Variants in MAML3 observed in about 807,000 individuals in gnomAD.
The protein encoded by MAML3 is mastermind like transcriptional coactivator 3, also known as mastermind-like protein 3.
Under a neutral mutation model 101.9 loss-of-function variants are expected in MAML3, and 27 were observed. That is an observed-to-expected ratio of 0.27 (90% CI 0.20 to 0.37). The LOEUF (loss-of-function observed/expected upper bound fraction) is 0.37, where lower values mean the gene tolerates loss of function less well. Among genes scored for constraint, MAML3 ranks in the 10% least tolerant of loss-of-function variants. MAML3 has a pLI of 1.00. For missense variants in MAML3, 1,316 were observed against 1,444.9 expected, an observed-to-expected ratio of 0.91 and a Z score of 1.45; for synonymous variants, 501 against 555.9, an observed-to-expected ratio of 0.90 and a Z score of 1.39.
At chr4:139,759,042 A>G (rs1729706699) in intron 2 of MAML3, among the ~76,000 whole-genome samples, 1 of 152,226 alleles carries the variant, frequency 6.6e-6, no homozygotes, top group African/African-American at 2.4e-5. Context: ...TAAAATGAAC[A>G]TCATGTACTT....
intron 1 of MAML3, among the ~76,000 whole-genome samples, chr4:139,974,583 C>G (rs1734296440): frequency 6.6e-6 from 1 of 152,070 alleles, no homozygotes; most frequent in African/African-American, 2.4e-5. Flanking sequence ...CTAAACATTG[C>G]TGGGCTTCTA....
chr4:140,120,164 G>C (rs1003634084), intron 1 of MAML3, among the ~76,000 whole-genome samples: 2 of 151,774 alleles, frequency 1.3e-5, no homozygotes, highest in Non-Finnish European at 2.9e-5. Flanking sequence ...GTGAACCCGG[G>C]AGGCGGAGCT....
chr4:139,891,735 G>A (rs1330642090), intron 1 of MAML3, among the ~76,000 whole-genome samples: 1 of 152,168 alleles, frequency 6.6e-6, no homozygotes, highest in Non-Finnish European at 1.5e-5. Context: ...TTTAACACAT[G>A]TACTAAATAG....
intron 1 of MAML3, among the ~76,000 whole-genome samples, chr4:140,074,199 GAGAAAGAAAGAAAGAAAGAAAGAAAGAA>G (rs57126361): frequency 2.4e-5 from 2 of 81,960 alleles, no homozygotes; most frequent in African/African-American, 4.3e-5. Context: ...GAGAAAGAAA[GAGAAAGAAAGAAAGAAAGAAAGAAAGAA>G]AGAAAGAAAG....
At chr4:139,760,501 C>T (rs1729733534) in intron 2 of MAML3, among the ~76,000 whole-genome samples, 1 of 152,144 alleles carries the variant, frequency 6.6e-6, no homozygotes, top group Admixed American at 6.6e-5. Context: ...CCATGTTTAG[C>T]ACAGCGCCTG....
intron 2 of MAML3, among the ~76,000 whole-genome samples, chr4:139,882,826 G>A (rs903427283): frequency 2.0e-5 from 3 of 152,180 alleles, no homozygotes; most frequent in African/African-American, 7.2e-5. Flanking sequence ...TCCAGCCTGG[G>A]CGATGGAGCG....
intron 1 of MAML3, among the ~76,000 whole-genome samples, chr4:139,991,902 C>G (rs1734682111): frequency 6.6e-6 from 1 of 152,060 alleles, no homozygotes; most frequent in Admixed American, 6.6e-5. Flanking sequence ...AAAAAAATTT[C>G]AAGTGTACAA....
At chr4:140,113,164 A>G (rs1728466224) in intron 1 of MAML3, among the ~76,000 whole-genome samples, 1 of 152,120 alleles carries the variant, frequency 6.6e-6, no homozygotes, top group Non-Finnish European at 1.5e-5. Context: ...CTGTAGTCCC[A>G]GCTACTCAGG....
chr4:140,104,862 T>A (rs1190071005), intron 1 of MAML3, among the ~76,000 whole-genome samples: 1 of 150,998 alleles, frequency 6.6e-6, no homozygotes, highest in Non-Finnish European at 1.5e-5. Flanking sequence ...TAATTTTTTT[T>A]AAACCAAACC....
chr4:140,091,537 C>CAAAAAAAAAAAAAAAAAAAAAAAAA (rs570700966), intron 1 of MAML3, among the ~76,000 whole-genome samples: 2 of 71,600 alleles, frequency 2.8e-5, no homozygotes, highest in Non-Finnish European at 5.5e-5. Context: ...AACAACAAAA[C>CAAAAAAAAAAAAAAAAAAAAAAAAA]AAAAACAAAA....
At chr4:139,913,531 A>G (rs961591238) in intron 1 of MAML3, among the ~76,000 whole-genome samples, 1 of 152,118 alleles carries the variant, frequency 6.6e-6, no homozygotes, top group African/African-American at 2.4e-5. Flanking sequence ...GTCAGCATTA[A>G]TGGTCTGGTG....
chr4:140,070,759 T>C lies in MAML3; in HGVS notation c.468+82101A>G, dbSNP rs555454544. On this transcript the variant is annotated intron_variant, in intron 1 of 4. Coordinates refer to ENST00000509479, the MANE Select transcript of MAML3 (RefSeq NM_018717.5). Reference sequence around the variant, plus strand: ...ACTCCTACCTAAGGCAACTTCTTCATACTTTAGCTTATTATCTTTATTCGA... The same window carrying C: ...ACTCCTACCTAAGGCAACTTCTTCACACTTTAGCTTATTATCTTTATTCGA... 5.1e-4 allele frequency among the ~76,000 whole-genome samples: 78 copies of C among 152,348 alleles called. 1 individual carries two copies. The highest frequency in any genetic ancestry group is 2.8e-4 in the Non-Finnish European group (19 of 68,020).
intron 2 of MAML3, among the ~76,000 whole-genome samples, chr4:139,837,150 GA>G (rs371397735): frequency 5.0e-5 from 7 of 138,980 alleles, no homozygotes; most frequent in Middle Eastern, 3.8e-3. Context: ...GAAAAGAAAA[GA>G]AAAAAAAAGA....
At chr4:139,859,986 G>GGGC (rs1731740360) in intron 2 of MAML3, among the ~76,000 whole-genome samples, 1 of 151,884 alleles carries the variant, frequency 6.6e-6, no homozygotes, top group South Asian at 2.1e-4. Context: ...GTCGCGGGAG[G>GGGC]GGCTAGAGGA....
intron 1 of MAML3, among the ~76,000 whole-genome samples, chr4:139,930,239 A>T (rs1733355008): frequency 6.6e-6 from 1 of 152,188 alleles, no homozygotes. Flanking sequence ...TCTTCAGGAG[A>T]GTCAAAAGAA....
intron 1 of MAML3, among the ~76,000 whole-genome samples, chr4:139,969,440 A>C (rs1018366026): frequency 3.3e-5 from 5 of 151,792 alleles, no homozygotes; most frequent in African/African-American, 9.7e-5. Context: ...ACACACACAC[A>C]CCCTCTCTCT....
chr4:139,997,950 G>A (rs1309948375), intron 1 of MAML3, among the ~76,000 whole-genome samples: 2 of 151,924 alleles, frequency 1.3e-5, no homozygotes, highest in Non-Finnish European at 2.9e-5. Context: ...TTCTCTTGGT[G>A]CTGTCAATGT....
intron 1 of MAML3, among the ~76,000 whole-genome samples, chr4:140,113,120 AT>A (rs1728465145): frequency 6.6e-6 from 1 of 152,030 alleles, no homozygotes; most frequent in African/African-American, 2.4e-5. Context: ...CTACTAAAAA[AT>A]AGAAAAAATC....
chr4:140,148,346 A>G (rs912405233), intron 1 of MAML3, among the ~76,000 whole-genome samples: 1 of 152,228 alleles, frequency 6.6e-6, no homozygotes, highest in Non-Finnish European at 1.5e-5. Context: ...CCCAGTACTA[A>G]ATAAAATATA....
Sources: gnomAD v4.1 joint callset for allele counts (sites outside exome capture counted in the v4.1 genomes callset) on GRCh38, gnomAD v4.1.1 for gene constraint, MANE v1.5 for transcripts, NCBI Gene and HGNC (gene_info 2026-07-23, HGNC 2026-07-21) for gene names.